The following PPWD1 variants were observed in gnomAD, a reference collection of about 807,000 sequenced individuals.
PPWD1 encodes peptidylprolyl isomerase domain and WD repeat-containing protein 1.
PPWD1 carries 43 observed loss-of-function variants against 68.8 expected under a neutral mutation model. The ratio of observed to expected loss-of-function variants is 0.62; its 90% CI spans 0.49 to 0.81. The LOEUF (loss-of-function observed/expected upper bound fraction) is 0.81, where lower values mean the gene tolerates loss of function less well. PPWD1 is among the 30% of genes least tolerant of loss of function. The pLI is 0.00. For synonymous variants in PPWD1, 232 were observed against 258.7 expected (o/e 0.90, Z 0.99); for missense variants, 672 against 804.8 (o/e 0.83, Z 2.00).
At chr5:65,572,419 T>C (rs549723682) in intron 5 of PPWD1, 133 bp downstream of exon 5, 6 of 954,958 alleles carry the variant, frequency 6.3e-6, no homozygotes, top group African/African-American at 5.0e-5. Flanking sequence ...ATTAGAGATA[T>C]TCAACTGTTT....
In PPWD1 at chr5:65,579,559, T is replaced by C; in HGVS notation, c.1296T>C (p.Ile432=). ...CTGAAAATCCTGTTCTTCAGAATATTCAAGCTGACCCAACAATAGTCTGTA... is the reference window on the plus strand; with the variant it reads ...CTGAAAATCCTGTTCTTCAGAATATCCAAGCTGACCCAACAATAGTCTGTA... ...KASENPVLQN[I]QADPTIVCTS... is the part of the protein sequence containing the mutation. The change falls in exon 7 of 11, where the codon ATT becomes ATC. Residue 432 remains isoleucine (I), a synonymous_variant. Coordinates refer to ENST00000261308, the MANE Select transcript of PPWD1 (RefSeq NM_015342.4). 6.2e-7 allele frequency: 1 copy of C among 1,608,520 alleles called. No individual in the cohort carries two copies. The highest frequency in any genetic ancestry group is 8.5e-7 in the Non-Finnish European group (1 of 1,178,170).
chr5:65,566,398 GA>G (rs1406873539), intron 1 of PPWD1, among the ~76,000 whole-genome samples: 1 of 152,292 alleles, frequency 6.6e-6, no homozygotes, highest in African/African-American at 2.4e-5. Context: ...CAAGCTATAG[GA>G]TTGAGGAAAG....
At chr5:65,573,475 A>ATTT (rs71728896) in intron 5 of PPWD1, among the ~76,000 whole-genome samples, 2 of 67,744 alleles carry the variant, frequency 3.0e-5, no homozygotes, top group African/African-American at 1.4e-4. Context: ...ATATATATAT[A>ATTT]TTTTTTTTTT....
chr5:65,569,374 T>C (rs1429740133), intron 2 of PPWD1: 1 of 300,578 alleles, frequency 3.3e-6, no homozygotes, highest in Admixed American at 4.9e-5. Flanking sequence ...AGATTTTTAT[T>C]TTAATGTCAA....
At position 65,573,481 on chromosome 5, in the gene PPWD1, T is replaced by TATATATATATATATATATATATATAA. The variant is rs1304267719; in HGVS notation, c.969+1195_969+1196insATATATATATATATATATATATATAA. On this transcript the variant is annotated intron_variant, in intron 5 of 10. Coordinates refer to ENST00000261308, the MANE Select transcript of PPWD1 (RefSeq NM_015342.4). ...CTAATATATATATATATATATTTTTTTTTTATTAGAGATGGGTTTTTTTTA... is the reference window on the plus strand; with the variant it reads ...CTAATATATATATATATATATTTTTTATATATATATATATATATATATATAATTTTATTAGAGATGGGTTTTTTTTA... Among the ~76,000 whole-genome samples, 215 of 93,380 alleles carry TATATATATATATATATATATATATAA rather than the reference T, an allele frequency of 2.3e-3. 5 individuals carry two copies. Among genetic ancestry groups the TATATATATATATATATATATATATAA allele is most frequent in the African/African-American group, 5.6e-3 (109 of 19,294 alleles). 61.3% of individuals were successfully genotyped at this position (93,380 alleles called of 152,430 possible). A position where few individuals can be genotyped will look rare whatever the true frequency, so the allele number is the denominator to read the frequency against.
At chr5:65,564,464 G>A (rs1355288803) in intron 1 of PPWD1, among the ~76,000 whole-genome samples, 1 of 152,002 alleles carries the variant, frequency 6.6e-6, no homozygotes, top group East Asian at 1.9e-4. Flanking sequence ...GAGTAGCTGG[G>A]GCTACAGGCG....
intron 4 of PPWD1, 75 bp from the exon 5 acceptor site, chr5:65,571,764 G>A: frequency 2.0e-6 from 3 of 1,529,188 alleles, no homozygotes; most frequent in Non-Finnish European, 2.6e-6. Context: ...AGACATTTTT[G>A]GTAGTGGGAT....
In PPWD1 at chr5:65,587,327, C is replaced by T. The variant is rs1204151069; in HGVS notation, c.1872C>T (p.Asn624=). The stretch of plus-strand genomic sequence containing the variant: ...TGGAAGTTGTACAGAGGATCTCCAA[C>T]GTCAAAGTCAATCCCAAAACAGATA... ...KGMEVVQRIS[N]VKVNPKTDKP... is the part of the protein sequence containing the mutation. The change falls in exon 11 of 11, where the codon AAC becomes AAT. Residue 624 remains asparagine, a synonymous_variant. Transcript: ENST00000261308. 53 of 1,612,516 alleles carry T rather than the reference C, an allele frequency of 3.3e-5. 1 individual carries two copies. In the African/African-American group the frequency reaches 4.1e-4, roughly 13 times the overall value.
chr5:65,571,899 T>C lies in PPWD1; in HGVS notation c.582T>C (p.Ala194=). Residue 194 remains alanine, a synonymous_variant, in exon 5 of 11, where the codon GCT becomes GCC. Coordinates refer to ENST00000261308, the MANE Select transcript of PPWD1 (RefSeq NM_015342.4). ...CAGGGGATGCAATTTCTTCAGTTGC[T>C]GCTTCCGAAAAGAGTACAGGAAAAA... The part of the protein sequence containing the change: ...YCPGDAISSV[A]ASEKSTGKIF... The C allele has an allele frequency of 6.2e-7, 1 of 1,614,138 alleles. No homozygotes were observed. Among genetic ancestry groups the C allele is most frequent in the Non-Finnish European group, 8.5e-7 (1 of 1,179,994 alleles).
chr5:65,563,852 G>A (rs1752482433), intron 1 of PPWD1: 1 of 1,478,576 alleles, frequency 6.8e-7, no homozygotes, highest in Non-Finnish European at 9.1e-7. Context: ...ATGCAAAAGG[G>A]TACCAGTTCT....
intron 6 of PPWD1, among the ~76,000 whole-genome samples, chr5:65,577,367 C>T (rs1200644118): frequency 2.0e-5 from 3 of 152,114 alleles, no homozygotes; most frequent in Non-Finnish European, 4.4e-5. Flanking sequence ...TTTAAATTAG[C>T]CTGGTTCATG....
chr5:65,579,312 A>G (rs1753488789), intron 6 of PPWD1, 112 bp from the exon 7 acceptor site: 1 of 1,310,986 alleles, frequency 7.6e-7, no homozygotes, highest in Admixed American at 3.8e-5. Flanking sequence ...ATCTTTCACT[A>G]GTTATTTTGT....
At chr5:65,581,562 G>A (rs1207027674) in intron 7 of PPWD1, among the ~76,000 whole-genome samples, 1 of 152,142 alleles carries the variant, frequency 6.6e-6, no homozygotes, top group South Asian at 2.1e-4. Flanking sequence ...CTTCAGCCTA[G>A]GTGACAGAGC....
chr5:65,578,157 C>G (rs1753393651), intron 6 of PPWD1, among the ~76,000 whole-genome samples: 1 of 152,154 alleles, frequency 6.6e-6, no homozygotes, highest in African/African-American at 2.4e-5. Flanking sequence ...TTCCTCCATG[C>G]CTCACCACAG....
chr5:65,569,799 T>C lies in PPWD1; in HGVS notation c.400+67T>C. 1.9e-6 allele frequency: 3 copies of C among 1,551,116 alleles called. No individual in the cohort carries two copies. In the South Asian group the frequency reaches 3.7e-5, roughly 19 times the overall value. On this transcript the variant is annotated intron_variant, in intron 3 of 10. Coordinates refer to ENST00000261308, the MANE Select transcript of PPWD1 (RefSeq NM_015342.4). ...TATACTAATTAAAGTTTAAATTTTTTAAATTTTTTTTCTTTGAATCATGCA... is the reference window on the plus strand; with the variant it reads ...TATACTAATTAAAGTTTAAATTTTTCAAATTTTTTTTCTTTGAATCATGCA...
Position 65,563,850 on chromosome 5 carries a change from G to C in PPWD1, c.196+344G>C, listed in dbSNP as rs1184956468. On this transcript the variant is annotated intron_variant, in intron 1 of 10. Coordinates refer to ENST00000261308, the MANE Select transcript of PPWD1 (RefSeq NM_015342.4). ...CGAACTCTTATTTAGGTATGCAAAA[G>C]GGTACCAGTTCTCTTTAAGGCTTTA... The C allele has an allele frequency of 4.1e-6, 6 of 1,480,830 alleles. No individual in the cohort carries two copies. In the African/African-American group the frequency reaches 4.2e-5, roughly 10 times the overall value. The allele number at this position is 1,480,830 out of a possible 1,614,324, so 91.7% of individuals were successfully genotyped here.
chr5:65,567,688 G>A (rs1171237794), intron 2 of PPWD1, 73 bp downstream of exon 2: 16 of 1,423,928 alleles, frequency 1.1e-5, no homozygotes, highest in Non-Finnish European at 1.5e-5. Context: ...TTTTGAGGTA[G>A]ATTTATAGAG....
chr5:65,581,346 G>A (rs899790953), intron 7 of PPWD1, among the ~76,000 whole-genome samples: 3 of 152,088 alleles, frequency 2.0e-5, no homozygotes, highest in Non-Finnish European at 2.9e-5. Context: ...AGCACTTTGC[G>A]GGGGCCCAAG....
chr5:65,576,079 AT>A (rs893318114), intron 5 of PPWD1, among the ~76,000 whole-genome samples: 3 of 151,392 alleles, frequency 2.0e-5, no homozygotes, highest in Non-Finnish European at 4.4e-5. Context: ...CAAAGACTTA[AT>A]TTTTTTTAAA....
Sources: gnomAD v4.1 joint callset for allele counts (sites outside exome capture counted in the v4.1 genomes callset) on GRCh38, gnomAD v4.1.1 for gene constraint, MANE v1.5 for transcripts, NCBI Gene and HGNC (gene_info 2026-07-23, HGNC 2026-07-21) for gene names.